RPUSD1: variants seen among roughly 807,000 people sequenced by gnomAD.
RPUSD1 encodes pseudouridylate synthase RPUSD1.
Under a neutral mutation model 22.4 loss-of-function variants are expected in RPUSD1, and 28 were observed. That is an observed-to-expected ratio of 1.25 (90% CI 0.93 to 1.72). RPUSD1 has a LOEUF of 1.72. Ranked by LOEUF, RPUSD1 falls within the 40% of genes most tolerant of loss-of-function variation. The pLI is 0.00. For synonymous variants in RPUSD1, 298 were observed against 201.0 expected (o/e 1.48, Z -4.08); for missense variants, 596 against 442.2 (o/e 1.35, Z -3.12).
At position 787,378 on chromosome 16, in the gene RPUSD1, G is replaced by GCGC; in HGVS notation, c.279_281dup (p.Arg94dup). ...CCAATGCCAGGTAAGCCTTGGTCAC[G>GCGC]CGCCGCTCCTTGAAGCACCTGTACG... On this transcript the variant is annotated inframe_insertion, in exon 3 of 6. Transcript: ENST00000007264. The GCGC allele has an allele frequency of 6.3e-7, 1 of 1,589,590 alleles. No individual in the cohort carries two copies. Among genetic ancestry groups the GCGC allele is most frequent in the Non-Finnish European group, 8.6e-7 (1 of 1,168,520 alleles).
rs933603955 is a variant in RPUSD1, at chr16:785,998, G to A, written c.891C>T (p.Gly297=). Residue 297 remains glycine (G), a synonymous_variant, in exon 6 of 6, where the codon GGC becomes GGT. Coordinates refer to ENST00000007264, the MANE Select transcript of RPUSD1 (RefSeq NM_058192.3). ...ACTCCGACAGCCACTGCAGGCAGGG[G>A]CCCCGCTGTGCCTCAGTCTCAGGGG... is the stretch of plus-strand genomic sequence containing the variant. ...TKPPETEAQR[G]PCLQWLSEWT... 2.7e-6 allele frequency: 4 copies of A among 1,461,202 alleles called. No homozygotes were observed. The highest frequency in any genetic ancestry group is 2.8e-5 in the African/African-American group (2 of 70,522). The allele number at this position is 1,461,202 out of a possible 1,614,324, so 90.5% of individuals were successfully genotyped here.
rs895165117 is a variant in RPUSD1 at position 785,008 on chromosome 16, T to A, written c.*942A>T. 4 of 152,160 alleles carry A rather than the reference T, an allele frequency of 2.6e-5. No individual in the cohort carries two copies. The highest frequency in any genetic ancestry group is 9.7e-5 in the African/African-American group (4 of 41,398). The allele number at this position is 152,160 out of a possible 1,614,324, so 9.4% of individuals were successfully genotyped here. ...CCAGTCACTGAACATTTATTTGGAG[T>A]CCCTGGAGCCCTGCTGTAGCCAGGA... On this transcript the variant is annotated 3_prime_UTR_variant, in exon 6 of 6. Transcript: ENST00000007264.
intron 1 of RPUSD1, 42 bp from the exon 2 acceptor site, chr16:787,786 T>C: frequency 6.3e-7 from 1 of 1,586,244 alleles, no homozygotes; most frequent in East Asian, 2.2e-5. Flanking sequence ...GAGCACGTGG[T>C]GCGCCCCCAG....
At chr16:787,499 A>G (rs768871283) in intron 2 of RPUSD1, 22 bp from the exon 3 acceptor site, 2 of 1,592,814 alleles carry the variant, frequency 1.3e-6, no homozygotes, top group South Asian at 1.1e-5. Flanking sequence ...CAGAGTCCAG[A>G]GTCTGAGCCA....
intron 4 of RPUSD1, 54 bp from the exon 5 acceptor site, chr16:786,982 C>G (rs1182729546): frequency 9.6e-6 from 15 of 1,569,746 alleles, no homozygotes; most frequent in Non-Finnish European, 1.3e-5. Flanking sequence ...GGGCCCAGGC[C>G]CACCCCAACG....
rs776454855 is a variant in RPUSD1, at chr16:786,235, G to A, written c.654C>T (p.Asp218=). 1.2e-6 allele frequency: 2 copies of A among 1,612,792 alleles called. No individual in the cohort carries two copies. The highest frequency in any genetic ancestry group is 1.7e-5 in the Admixed American group (1 of 60,026). The part of the protein sequence containing the change: ...LHAFYLRIPT[D]TECVEVCTPD... ...GCGTGCAGACCTCCACACACTCGGTGTCCGTGGGGATGCGCAGGTAGAAAG... is the reference window on the plus strand; with the variant it reads ...GCGTGCAGACCTCCACACACTCGGTATCCGTGGGGATGCGCAGGTAGAAAG... Residue 218 remains aspartate, a synonymous_variant, in exon 6 of 6, where the codon GAC becomes GAT. Transcript: ENST00000007264.
rs1005185971 is a variant in RPUSD1, at chr16:785,314, C to T, written c.*636G>A. 5 of 152,566 alleles carry T rather than the reference C, an allele frequency of 3.3e-5. No individual in the cohort carries two copies. The highest frequency in any genetic ancestry group is 1.2e-4 in the African/African-American group (5 of 41,482). The allele number at this position is 152,566 out of a possible 1,614,324, so 9.5% of individuals were successfully genotyped here. The stretch of plus-strand genomic sequence containing the variant: ...CTCAGAATCCGGGCAGAGAGGGAAC[C>T]ACTGGTACAGTGAGGCCAAGGCACA... On this transcript the variant is annotated 3_prime_UTR_variant, in exon 6 of 6. Transcript: ENST00000007264.
Position 787,426 on chromosome 16 carries a change from T to C in RPUSD1, c.234A>G (p.Leu78=). ...ACGCGCTGCCGGCGGCTGCCTTGTTTAGGGCCACGCACAGCGCCCCGCTGG... is the reference window on the plus strand; with the variant it reads ...ACGCGCTGCCGGCGGCTGCCTTGTTCAGGGCCACGCACAGCGCCCCGCTGG... ...FSTSGALCVA[L]NKAAAGSAYR... The change falls in exon 3 of 6, where the codon CTA becomes CTG. Residue 78 remains leucine, a synonymous_variant. Coordinates refer to ENST00000007264, the MANE Select transcript of RPUSD1 (RefSeq NM_058192.3). 1 of 1,584,086 alleles carries C rather than the reference T, an allele frequency of 6.3e-7. No individual in the cohort carries two copies. The highest frequency in any genetic ancestry group is 8.6e-7 in the Non-Finnish European group (1 of 1,165,120).
At position 787,552 on chromosome 16, in the gene RPUSD1, CT is replaced by C. The variant is rs1567381392; in HGVS notation, c.182+3del. The C allele has an allele frequency of 3.1e-6, 5 of 1,609,688 alleles. No homozygotes were observed. The highest frequency in any genetic ancestry group is 1.3e-5 in the African/African-American group (1 of 75,016). On this transcript the variant is annotated splice_donor_region_variant and intron_variant, in intron 2 of 5. Transcript: ENST00000007264. ...CACCGTGGGGCTCCGGCCGCCCCCC[CT>C]ACCTGAACCCGTAGCAGGTGTCAGG...
rs1457183467 is a variant in RPUSD1, at chr16:788,315, CGCGCCCGCGCGCTG to C, written c.-81_-68del. 1.8e-5 allele frequency: 4 copies of C among 221,758 alleles called. No individual in the cohort carries two copies. The highest frequency in any genetic ancestry group is 6.4e-5 in the Admixed American group (1 of 15,598). The allele number at this position is 221,758 out of a possible 1,614,324, so 13.7% of individuals were successfully genotyped here. A position where few individuals can be genotyped will look rare whatever the true frequency, so the allele number is the denominator to read the frequency against. ...CCGTGCCCGGCGCCGGCTCCAGCCG[CGCGCCCGCGCGCTG>C]GCGACCCAGAGACCCTGGAAGCTCC... On this transcript the variant is annotated 5_prime_UTR_variant, in exon 1 of 6. Transcript: ENST00000007264.
Position 787,192 on chromosome 16 carries a change from G to C in RPUSD1, c.307-13C>G. 1 of 1,595,748 alleles carries C rather than the reference G, an allele frequency of 6.3e-7. No homozygotes were observed. Among genetic ancestry groups the C allele is most frequent in the Non-Finnish European group, 8.5e-7 (1 of 1,174,768 alleles). The stretch of plus-strand genomic sequence containing the variant: ...TGTGCCCCCGCAGCTGCAGGAGAGG[G>C]AGAATCGCACGCAGTTCACGGGGCA... On this transcript the variant is annotated splice_polypyrimidine_tract_variant and intron_variant, in intron 3 of 5. Coordinates refer to ENST00000007264, the MANE Select transcript of RPUSD1 (RefSeq NM_058192.3).
rs200693139 is a variant in RPUSD1, at chr16:787,639, C to T, written c.99G>A (p.Ala33=). The change falls in exon 2 of 6, where the codon GCG becomes GCA. Residue 33 remains alanine, a synonymous_variant. Coordinates refer to ENST00000007264, the MANE Select transcript of RPUSD1 (RefSeq NM_058192.3). Reference sequence around the variant, plus strand: ...TCTGCAGGGTCAGAGTCTCCCGCCACGCCTTGCTGTCAATGCGAACGTCCC... The same window carrying T: ...TCTGCAGGGTCAGAGTCTCCCGCCATGCCTTGCTGTCAATGCGAACGTCCC... The part of the protein sequence containing the change: ...KHWDVRIDSK[A]WRETLTLQKQ... 29 of 1,612,300 alleles carry T rather than the reference C, an allele frequency of 1.8e-5. No homozygotes were observed. The East Asian group carries it at 4.9e-4, about 27-fold the overall frequency.
intron 3 of RPUSD1, 55 bp from the exon 4 acceptor site, chr16:787,234 G>A (rs999144688): frequency 3.9e-6 from 6 of 1,556,642 alleles, no homozygotes; most frequent in Non-Finnish European, 5.2e-6. Context: ...TGCTGCCGGG[G>A]AGCCCACCTA....
chr16:787,082 G>T lies in RPUSD1; in HGVS notation c.404C>A (p.Ser135Ter). 6.2e-7 allele frequency: 1 copy of T among 1,605,418 alleles called. No homozygotes were observed. Among genetic ancestry groups the T allele is most frequent in the South Asian group, 1.1e-5 (1 of 90,256 alleles). The change falls in exon 4 of 6, where the codon TCG becomes TAG. Residue 135 changes from serine to a stop codon, truncating the protein, a stop_gained. Transcript: ENST00000007264. LOFTEE classifies it high-confidence loss of function. ...TGGGTCCCTGCCTGCCACACCCTGC[G>T]AGCCCTCGATGCACATGGTGTGGGC... is the stretch of plus-strand genomic sequence containing the variant. ...GRAHTMCIEG[S>*]QGCENPKPSL...
intron 1 of RPUSD1, chr16:788,027 A>G (rs1293274760): frequency 1.8e-6 from 1 of 544,526 alleles, no homozygotes; most frequent in Non-Finnish European, 3.3e-6. Context: ...TCCTCCCCAC[A>G]GACCCTCCCC....
Position 785,753 on chromosome 16 carries a change from C to T in RPUSD1, c.*197G>A. The stretch of plus-strand genomic sequence containing the variant: ...AGTCCCACGGCCGCGGTGCGGTCGT[C>T]ACCTGTGATCACGGCTGCCTGGCGC... On this transcript the variant is annotated 3_prime_UTR_variant, in exon 6 of 6. Transcript: ENST00000007264. The T allele has an allele frequency of 2.2e-6, 1 of 450,178 alleles. No individual in the cohort carries two copies. Among genetic ancestry groups the T allele is most frequent in the Non-Finnish European group, 3.8e-6 (1 of 264,852 alleles). The allele number at this position is 450,178 out of a possible 1,614,324, so 27.9% of individuals were successfully genotyped here. A position where few individuals can be genotyped will look rare whatever the true frequency, so the allele number is the denominator to read the frequency against.
Position 787,424 on chromosome 16 carries a change from T to C in RPUSD1, c.236A>G (p.Asn79Ser). Residue 79 changes from asparagine (N) to serine (S), a missense_variant, in exon 3 of 6, where the codon AAC becomes AGC. Coordinates refer to ENST00000007264, the MANE Select transcript of RPUSD1 (RefSeq NM_058192.3). ...GTACGCGCTGCCGGCGGCTGCCTTG[T>C]TTAGGGCCACGCACAGCGCCCCGCT... ...STSGALCVAL[N>S]KAAAGSAYRC... 6.3e-7 allele frequency: 1 copy of C among 1,584,320 alleles called. No individual in the cohort carries two copies. The highest frequency in any genetic ancestry group is 8.6e-7 in the Non-Finnish European group (1 of 1,165,292).
In RPUSD1 at chr16:787,488, ACAGAGTC is replaced by A; in HGVS notation, c.183-18_183-12del. 6.3e-7 allele frequency: 1 copy of A among 1,589,842 alleles called. No individual in the cohort carries two copies. Among genetic ancestry groups the A allele is most frequent in the Non-Finnish European group, 8.6e-7 (1 of 1,168,556 alleles). On this transcript the variant is annotated splice_polypyrimidine_tract_variant and intron_variant, in intron 2 of 5. Transcript: ENST00000007264. ...AGCTGGTGGCAGAACCTGGAGTGGGACAGAGTCCAGAGTCTGAGCCACTTTCCTCCAC... is the reference window on the plus strand; with the variant it reads ...AGCTGGTGGCAGAACCTGGAGTGGGACAGAGTCTGAGCCACTTTCCTCCAC...
At chr16:787,890 A>G in intron 1 of RPUSD1, 146 bp from the exon 2 acceptor site, 1 of 728,688 alleles carries the variant, frequency 1.4e-6, no homozygotes, top group Non-Finnish European at 2.2e-6. Context: ...CTGCATCCTC[A>G]GTCCCCGAGA....
Sources: gnomAD v4.1 joint callset for allele counts on GRCh38, gnomAD v4.1.1 for gene constraint, MANE v1.5 for transcripts, NCBI Gene and HGNC (gene_info 2026-07-23, HGNC 2026-07-21) for gene names.